The following PDZD2 variants were observed in gnomAD, a reference collection of about 807,000 sequenced individuals.
PDZD2 encodes PDZ domain-containing protein 2.
Under a neutral mutation model 220.7 loss-of-function variants are expected in PDZD2, and 90 were observed. The ratio of observed to expected loss-of-function variants is 0.41; its 90% confidence interval spans 0.34 to 0.49. The LOEUF (loss-of-function observed/expected upper bound fraction) is 0.49. Among genes scored for constraint, PDZD2 ranks in the 20% least tolerant of loss-of-function variants. The pLI is 0.28. For missense variants in PDZD2, 3,174 were observed against 3,608.5 expected, an observed-to-expected ratio of 0.88 and a Z score of 3.08; for synonymous variants, 1,375 against 1,450.5, an observed-to-expected ratio of 0.95 and a Z score of 1.18.
At chr5:31,793,257 T>TG (rs1313741838) in intron 1 of PDZD2, among the ~76,000 whole-genome samples, 8 of 91,338 alleles carry the variant, frequency 8.8e-5, no homozygotes, top group Admixed American at 1.6e-4. Flanking sequence ...GATTGTGGGG[T>TG]GGGGGGTGGG....
chr5:31,702,073 G>T (rs551899489), intron 1 of PDZD2, among the ~76,000 whole-genome samples: 1 of 152,334 alleles, frequency 6.6e-6, no homozygotes, highest in African/African-American at 2.4e-5. Context: ...TCAGTGATTT[G>T]CTGGCTGTCT....
chr5:31,985,797 G>C (rs902976839), intron 3 of PDZD2, among the ~76,000 whole-genome samples: 4 of 152,110 alleles, frequency 2.6e-5, no homozygotes, highest in Non-Finnish European at 4.4e-5. Context: ...TTGAACTTCT[G>C]GCCGGGCGCA....
intron 2 of PDZD2, among the ~76,000 whole-genome samples, chr5:31,826,715 A>G (rs1344269245): frequency 6.6e-6 from 1 of 152,098 alleles, no homozygotes; most frequent in Non-Finnish European, 1.5e-5. Context: ...TTTATTCGAT[A>G]TTATCAATGT....
chr5:31,643,301 G>A (rs967077755), intron 1 of PDZD2, among the ~76,000 whole-genome samples: 3 of 152,218 alleles, frequency 2.0e-5, no homozygotes, highest in African/African-American at 7.2e-5. Context: ...ACTCTGAGCA[G>A]TTGGGTCTCC....
Position 31,859,004 on chromosome 5 carries a change from C to CG in PDZD2, c.476+59281dup, listed in dbSNP as rs1758699044. On this transcript the variant is annotated intron_variant, in intron 2 of 24. Coordinates refer to ENST00000438447, the MANE Select transcript of PDZD2 (RefSeq NM_178140.4). ...TGCTGGGATTACAGATGTGAGCCCC[C>CG]GAGCCCAGCCAAGGTTTTTGCATTT... is the stretch of plus-strand genomic sequence containing the variant. 2.0e-5 allele frequency among the ~76,000 whole-genome samples: 3 copies of CG among 152,114 alleles called. No homozygotes were observed. The South Asian group carries it at 6.2e-4, about 32-fold the overall frequency.
intron 22 of PDZD2, among the ~76,000 whole-genome samples, chr5:32,097,946 T>C (rs1342606335): frequency 6.6e-6 from 1 of 152,180 alleles, no homozygotes; most frequent in Non-Finnish European, 1.5e-5. Flanking sequence ...AGCAAGTGTC[T>C]ACCTTAGAAA....
intron 2 of PDZD2, among the ~76,000 whole-genome samples, chr5:31,937,122 G>A (rs1745814816): frequency 1.3e-5 from 2 of 152,160 alleles, no homozygotes; most frequent in Non-Finnish European, 2.9e-5. Context: ...TGTTCCTTCC[G>A]TTGTCAAGGT....
chr5:32,061,131 A>C lies in PDZD2; in HGVS notation c.2448A>C (p.Pro816=). ...TTGTCATCGGCCGGCACCCTAATCC[A>C]AAGGTGAGGTGGTCCACCCTCTTCT... ...VRLVIGRHPN[P]KVSEQEMDEV... The change falls in exon 14 of 25, where the codon CCA becomes CCC. Residue 816 remains proline, a synonymous_variant. Transcript: ENST00000438447. 1 of 1,614,068 alleles carries C rather than the reference A, an allele frequency of 6.2e-7. No individual in the cohort carries two copies. The highest frequency in any genetic ancestry group is 8.5e-7 in the Non-Finnish European group (1 of 1,179,946).
At chr5:31,834,629 G>A (rs756013799) in intron 2 of PDZD2, among the ~76,000 whole-genome samples, 27 of 151,818 alleles carry the variant, frequency 1.8e-4, no homozygotes, top group South Asian at 2.1e-4. Context: ...AGCCCCACAG[G>A]TGGTAGATGA....
intron 1 of PDZD2, among the ~76,000 whole-genome samples, chr5:31,792,645 TG>T (rs1168860754): frequency 6.6e-6 from 1 of 152,038 alleles, no homozygotes; most frequent in East Asian, 1.9e-4. Flanking sequence ...CTCGAGTTTC[TG>T]ACCTCAGGTG....
intron 7 of PDZD2, among the ~76,000 whole-genome samples, chr5:32,046,907 G>A (rs997000152): frequency 2.0e-5 from 3 of 152,094 alleles, no homozygotes; most frequent in Non-Finnish European, 4.4e-5. Flanking sequence ...GCTGGGCGTG[G>A]TGGCGTGCAC....
intron 2 of PDZD2, among the ~76,000 whole-genome samples, chr5:31,859,005 G>C (rs898005209): frequency 7.2e-5 from 11 of 151,950 alleles, no homozygotes; most frequent in Admixed American, 7.2e-4. Context: ...GTGAGCCCCC[G>C]AGCCCAGCCA....
chr5:31,988,984 G>T (rs78793484), intron 3 of PDZD2, among the ~76,000 whole-genome samples: 2 of 152,116 alleles, frequency 1.3e-5, no homozygotes, highest in Non-Finnish European at 2.9e-5. Flanking sequence ...GCCCGAGCCC[G>T]ACGTATTCCA....
chr5:31,957,352 A>C (rs1404401905), intron 2 of PDZD2, among the ~76,000 whole-genome samples: 1 of 152,218 alleles, frequency 6.6e-6, no homozygotes, highest in Non-Finnish European at 1.5e-5. Context: ...AATCTAGCAC[A>C]AGAGCCCACA....
In PDZD2 at chr5:31,846,733, G is replaced by A. The variant is rs561284863; in HGVS notation, c.476+47009G>A. Among the ~76,000 whole-genome samples, 7 of 152,296 alleles carry A rather than the reference G, an allele frequency of 4.6e-5. No homozygotes were observed. In the South Asian group the frequency reaches 1.5e-3, roughly 32 times the overall value. On this transcript the variant is annotated intron_variant, in intron 2 of 24. Transcript: ENST00000438447. ...TGAGGTTTCTTCTCATGCTTTGCTT[G>A]GTGCCACTGCTGGGCCTTGTGTTTG...
chr5:31,852,577 C>T (rs1194946515), intron 2 of PDZD2, among the ~76,000 whole-genome samples: 4 of 151,640 alleles, frequency 2.6e-5, no homozygotes, highest in Admixed American at 6.6e-5. Context: ...TGAGCCACCA[C>T]GTGCCTGGAC....
chr5:31,950,458 T>A (rs185476106), intron 2 of PDZD2, among the ~76,000 whole-genome samples: 110 of 152,346 alleles, frequency 7.2e-4, no homozygotes, highest in Non-Finnish European at 1.2e-3. Flanking sequence ...GAAGATGGTA[T>A]GGGAAGACAG....
chr5:31,911,869 C>A (rs980177363), intron 2 of PDZD2, among the ~76,000 whole-genome samples: 10 of 152,212 alleles, frequency 6.6e-5, no homozygotes, highest in African/African-American at 2.2e-4. Context: ...ACCCTTGCCG[C>A]CTCTGTCACT....
chr5:31,975,750 A>T (rs1268365185), intron 2 of PDZD2, among the ~76,000 whole-genome samples: 2 of 142,092 alleles, frequency 1.4e-5, no homozygotes, highest in African/African-American at 5.3e-5. Flanking sequence ...GAAATCGATT[A>T]TCTTCAGGAA....
Sources: allele counts gnomAD v4.1 joint callset (sites outside exome capture counted in the v4.1 genomes callset), GRCh38; gene constraint gnomAD v4.1.1; transcripts MANE v1.5; gene names NCBI Gene and HGNC (gene_info 2026-07-23, HGNC 2026-07-21).